Variants in DPP10 observed in about 807,000 individuals in gnomAD.
DPP10 encodes dipeptidyl peptidase like 10.
DPP10 carries 33 observed loss-of-function variants against 120.9 expected under a neutral mutation model. The observed-to-expected ratio is 0.27, with a 90% CI of 0.21 to 0.37. The LOEUF (loss-of-function observed/expected upper bound fraction) is 0.37, where lower values mean the gene tolerates loss of function less well. Ranked by LOEUF, DPP10 falls within the 10% of genes least tolerant of loss-of-function variation. DPP10 has a pLI of 1.00. For synonymous variants in DPP10, 337 were observed against 326.1 expected (o/e 1.03, Z -0.36); for missense variants, 816 against 942.8 (o/e 0.87, Z 1.76).
At chr2:115,627,225 G>A (rs948491467) in intron 5 of DPP10, among the ~76,000 whole-genome samples, 1 of 152,124 alleles carries the variant, frequency 6.6e-6, no homozygotes, top group Admixed American at 6.5e-5. Flanking sequence ...TCACCCTATT[G>A]CTGATAGAGG....
intron 1 of DPP10, among the ~76,000 whole-genome samples, chr2:114,999,079 T>A (rs1329310043): frequency 2.0e-5 from 3 of 152,170 alleles, no homozygotes; most frequent in Non-Finnish European, 4.4e-5. Flanking sequence ...GTGGTGCAGT[T>A]GTAGTGTAAG....
intron 1 of DPP10, among the ~76,000 whole-genome samples, chr2:115,273,976 C>T (rs1167966490): frequency 2.0e-5 from 3 of 152,128 alleles, no homozygotes; most frequent in Non-Finnish European, 2.9e-5. Context: ...CTTTACTGTG[C>T]TTGCATGCAT....
chr2:115,357,500 G>C (rs2064471267), intron 3 of DPP10, among the ~76,000 whole-genome samples: 1 of 152,246 alleles, frequency 6.6e-6, no homozygotes, highest in Admixed American at 6.5e-5. Context: ...CGCCACTCCT[G>C]TGGCTTTGCA....
intron 1 of DPP10, among the ~76,000 whole-genome samples, chr2:114,926,390 G>C (rs1695619972): frequency 6.6e-6 from 1 of 152,148 alleles, no homozygotes; most frequent in Non-Finnish European, 1.5e-5. Context: ...CAGATCATTT[G>C]GGGGCTAGAG....
chr2:115,150,839 A>T (rs1339750539), intron 1 of DPP10, among the ~76,000 whole-genome samples: 1 of 152,242 alleles, frequency 6.6e-6, no homozygotes, highest in Non-Finnish European at 1.5e-5. Context: ...GACAATTTTC[A>T]TATATATTAG....
intron 5 of DPP10, among the ~76,000 whole-genome samples, chr2:115,636,953 C>T (rs1023134992): frequency 2.0e-4 from 31 of 152,106 alleles, no homozygotes; most frequent in Non-Finnish European, 1.0e-4. Context: ...CTCTCAGCAA[C>T]AGCCATTAGA....
intron 1 of DPP10, among the ~76,000 whole-genome samples, chr2:114,676,904 G>A (rs1698707953): frequency 1.3e-5 from 2 of 152,048 alleles, no homozygotes; most frequent in South Asian, 4.2e-4. Context: ...TATTTATTAA[G>A]GGCCTTTTAT....
chr2:114,859,994 G>A (rs144438437), intron 1 of DPP10, among the ~76,000 whole-genome samples: 111 of 152,258 alleles, frequency 7.3e-4, no homozygotes, highest in African/African-American at 2.5e-3. Flanking sequence ...AGTTTTATGC[G>A]ATACCTTTGC....
At position 115,123,538 on chromosome 2, in the gene DPP10, G is replaced by A. The variant is rs188606831; in HGVS notation, c.61-185701G>A. On this transcript the variant is annotated intron_variant, in intron 1 of 25. Coordinates refer to ENST00000410059, the MANE Select transcript of DPP10 (RefSeq NM_020868.6). ...GATCATTTACTGGTTAAACTCCACC[G>A]TTTTTCCTCTTGGTGCACATATTTG... Among the ~76,000 whole-genome samples, 180 of 152,214 alleles carry A rather than the reference G, an allele frequency of 1.2e-3. 1 individual carries two copies. Among genetic ancestry groups the A allele is most frequent in the African/African-American group, 4.1e-3 (169 of 41,532 alleles).
intron 11 of DPP10, among the ~76,000 whole-genome samples, chr2:115,760,748 A>G (rs1319985385): frequency 6.6e-6 from 1 of 152,144 alleles, no homozygotes; most frequent in East Asian, 1.9e-4. Flanking sequence ...TTCTCCACGT[A>G]TTTGTTAAAG....
intron 7 of DPP10, among the ~76,000 whole-genome samples, chr2:115,696,877 G>A (rs2091621034): frequency 6.6e-6 from 1 of 152,014 alleles, no homozygotes. Flanking sequence ...TGCCTTAAAT[G>A]TCATTAGTTA....
chr2:114,692,359 G>A (rs1321178783), intron 1 of DPP10, among the ~76,000 whole-genome samples: 1 of 152,046 alleles, frequency 6.6e-6, no homozygotes, highest in Non-Finnish European at 1.5e-5. Context: ...TCATTCAGGA[G>A]CAGGTTGTTC....
At chr2:115,681,474 G>T (rs1575513399) in intron 5 of DPP10, among the ~76,000 whole-genome samples, 1 of 151,700 alleles carries the variant, frequency 6.6e-6, no homozygotes, top group East Asian at 1.9e-4. Flanking sequence ...TCTCTGCTTG[G>T]TAGTAAAACT....
chr2:114,823,474 A>G (rs1010214861), intron 1 of DPP10, among the ~76,000 whole-genome samples: 1 of 152,174 alleles, frequency 6.6e-6, no homozygotes, highest in African/African-American at 2.4e-5. Flanking sequence ...CTTATTCCAC[A>G]TTGAGCTTTC....
At chr2:114,699,586 T>C (rs988857627) in intron 1 of DPP10, among the ~76,000 whole-genome samples, 3 of 152,098 alleles carry the variant, frequency 2.0e-5, no homozygotes, top group Non-Finnish European at 4.4e-5. Context: ...CAGTCTTTGA[T>C]AGGCAGAGGA....
intron 1 of DPP10, among the ~76,000 whole-genome samples, chr2:115,092,192 C>A (rs1445373627): frequency 6.6e-6 from 1 of 152,146 alleles, no homozygotes; most frequent in Non-Finnish European, 1.5e-5. Flanking sequence ...CTGTTTGACT[C>A]CAATGACTAT....
chr2:114,967,042 C>CA (rs972803430), intron 1 of DPP10, among the ~76,000 whole-genome samples: 1 of 151,070 alleles, frequency 6.6e-6, no homozygotes, highest in Non-Finnish European at 1.5e-5. Context: ...AACTCGGTCC[C>CA]AAAAAAACAA....
intron 1 of DPP10, among the ~76,000 whole-genome samples, chr2:114,692,809 T>C (rs1699848608): frequency 6.6e-6 from 1 of 151,970 alleles, no homozygotes; most frequent in Non-Finnish European, 1.5e-5. Context: ...TGTTCTTGCT[T>C]AATTGAACCC....
chr2:114,471,213 C>G lies in DPP10; in HGVS notation c.60+28375C>G, dbSNP rs537210483. Among the ~76,000 whole-genome samples the G allele has an allele frequency of 3.3e-5, 5 of 152,184 alleles. No homozygotes were observed. The South Asian group carries it at 1.0e-3, about 32-fold the overall frequency. ...AAAAATATGATGCTGGCAATAAAAG[C>G]TGTTATATTGTTACTGCCTTACCTC... On this transcript the variant is annotated intron_variant, in intron 1 of 25. Transcript: ENST00000410059.
Sources: allele counts gnomAD v4.1 joint callset (sites outside exome capture counted in the v4.1 genomes callset), GRCh38; gene constraint gnomAD v4.1.1; transcripts MANE v1.5; gene names NCBI Gene and HGNC (gene_info 2026-07-23, HGNC 2026-07-21).